Variants in PIP5K1B observed in about 807,000 individuals in gnomAD.
PIP5K1B encodes phosphatidylinositol 4-phosphate 5-kinase type-1 beta.
A neutral mutation model predicts 67.0 loss-of-function variants in PIP5K1B; 42 were observed. That is an observed-to-expected ratio of 0.63 (90% CI 0.49 to 0.81). The LOEUF (loss-of-function observed/expected upper bound fraction) is 0.81. Among genes scored for constraint, PIP5K1B ranks in the 30% least tolerant of loss-of-function variants. The probability of loss-of-function intolerance (pLI) is 0.00; values close to 1 mark genes in which losing one functional copy is unlikely to be tolerated. For missense variants in PIP5K1B, 459 were observed against 646.3 expected (o/e 0.71, Z 3.14); for synonymous variants, 214 against 231.4 (o/e 0.92, Z 0.68).
chr9:68,932,035 G>A (rs1827029082), intron 12 of PIP5K1B, among the ~76,000 whole-genome samples: 1 of 152,176 alleles, frequency 6.6e-6, no homozygotes, highest in Admixed American at 6.5e-5. Flanking sequence ...GCAGAGGTTT[G>A]TTTTCCGGTC....
intron 1 of PIP5K1B, among the ~76,000 whole-genome samples, chr9:68,730,416 A>ATAC (rs1828367289): frequency 6.6e-6 from 1 of 152,224 alleles, no homozygotes; most frequent in Admixed American, 6.5e-5. Flanking sequence ...AATTGAAGAA[A>ATAC]TACTCCTCAA....
intron 14 of PIP5K1B, among the ~76,000 whole-genome samples, chr9:68,962,306 A>G (rs1316709566): frequency 2.0e-5 from 3 of 152,226 alleles, no homozygotes; most frequent in South Asian, 2.1e-4. Flanking sequence ...AACTAAAGGC[A>G]GAAATGTTAT....
chr9:68,877,370 T>G (rs773312300), intron 6 of PIP5K1B, among the ~76,000 whole-genome samples: 1 of 152,242 alleles, frequency 6.6e-6, no homozygotes, highest in Non-Finnish European at 1.5e-5. Context: ...ACAGCCTTTT[T>G]GTAAGAGGTA....
chr9:68,979,108 A>G (rs918105957), intron 14 of PIP5K1B, among the ~76,000 whole-genome samples: 18 of 152,148 alleles, frequency 1.2e-4, no homozygotes, highest in African/African-American at 4.3e-4. Context: ...TCTCTTTTAT[A>G]ATTGAACCAT....
intron 2 of PIP5K1B, among the ~76,000 whole-genome samples, chr9:68,770,947 C>T (rs1308493458): frequency 6.6e-6 from 1 of 152,164 alleles, no homozygotes; most frequent in Non-Finnish European, 1.5e-5. Context: ...TCAGCCCTAT[C>T]TAGAGATAGA....
At chr9:68,996,544 T>A (rs1006879055) in intron 15 of PIP5K1B, among the ~76,000 whole-genome samples, 5 of 152,228 alleles carry the variant, frequency 3.3e-5, no homozygotes, top group Non-Finnish European at 7.3e-5. Context: ...GCAGGCTGTA[T>A]TGATTTAAAA....
At position 68,887,756 on chromosome 9, in the gene PIP5K1B, C is replaced by T. The variant is rs564945412; in HGVS notation, c.319-1225C>T. 6.2e-4 allele frequency among the ~76,000 whole-genome samples: 94 copies of T among 152,202 alleles called. 1 individual carries two copies. Among genetic ancestry groups the T allele is most frequent in the African/African-American group, 2.0e-3 (85 of 41,522 alleles). ...GGTGTTGGCAGAGGCGGGCAGGCAG[C>T]ATCAACAGTCTGGTTAGGAAAGATG... On this transcript the variant is annotated intron_variant, in intron 6 of 15. Coordinates refer to ENST00000265382, the MANE Select transcript of PIP5K1B (RefSeq NM_003558.4).
chr9:68,912,355 C>T (rs1825898153), intron 8 of PIP5K1B, among the ~76,000 whole-genome samples: 3 of 151,932 alleles, frequency 2.0e-5, no homozygotes, highest in Non-Finnish European at 2.9e-5. Flanking sequence ...AAACAGAGAG[C>T]TTTGGGTGAA....
At chr9:68,984,727 T>C (rs1830026958) in intron 14 of PIP5K1B, among the ~76,000 whole-genome samples, 1 of 152,216 alleles carries the variant, frequency 6.6e-6, no homozygotes, top group Admixed American at 6.5e-5. Flanking sequence ...CTGTTCATTG[T>C]TACTCTTCCC....
At chr9:68,908,710 T>C (rs998171626) in intron 8 of PIP5K1B, among the ~76,000 whole-genome samples, 2 of 152,218 alleles carry the variant, frequency 1.3e-5, no homozygotes, top group Non-Finnish European at 2.9e-5. Context: ...ATTCTAGAAC[T>C]GTATTCTGAG....
intron 2 of PIP5K1B, among the ~76,000 whole-genome samples, chr9:68,800,648 C>T (rs1331045375): frequency 6.6e-6 from 1 of 152,186 alleles, no homozygotes; most frequent in African/African-American, 2.4e-5. Context: ...GATTTCCAAC[C>T]TGTTCTCAGC....
intron 6 of PIP5K1B, among the ~76,000 whole-genome samples, chr9:68,882,094 T>C (rs530356139): frequency 6.6e-6 from 1 of 152,216 alleles, no homozygotes; most frequent in South Asian, 2.1e-4. Context: ...CTGCAGGAAA[T>C]AGAAGCAAGA....
chr9:68,719,876 A>G (rs917434836), intron 1 of PIP5K1B, among the ~76,000 whole-genome samples: 3 of 152,246 alleles, frequency 2.0e-5, no homozygotes, highest in African/African-American at 2.4e-5. Flanking sequence ...TCTTTTCCAC[A>G]TATGTCAAAA....
intron 2 of PIP5K1B, among the ~76,000 whole-genome samples, chr9:68,814,681 G>C (rs930410243): frequency 6.6e-6 from 1 of 152,060 alleles, no homozygotes; most frequent in African/African-American, 2.4e-5. Context: ...TTAGCCAGGT[G>C]TGGTGGCGTG....
rs1826807046 is a variant in PIP5K1B, at chr9:68,928,186, C to T, written c.1201+4800C>T. Among the ~76,000 whole-genome samples the T allele has an allele frequency of 2.6e-5, 4 of 152,178 alleles. No homozygotes were observed. The South Asian group carries it at 8.3e-4, about 31-fold the overall frequency. On this transcript the variant is annotated intron_variant, in intron 12 of 15. Transcript: ENST00000265382. ...TGCCTACCCTCATAGCAGTACCATA[C>T]TATCCTCATTACTTCTGGTTTGTAT...
intron 5 of PIP5K1B, among the ~76,000 whole-genome samples, chr9:68,864,506 T>A (rs906010958): frequency 2.0e-5 from 3 of 152,238 alleles, no homozygotes; most frequent in Non-Finnish European, 4.4e-5. Context: ...ATATATGTTG[T>A]CTCTAGCTTT....
At chr9:69,006,401 G>A (rs1381619726) in intron 15 of PIP5K1B, among the ~76,000 whole-genome samples, 1 of 152,048 alleles carries the variant, frequency 6.6e-6, no homozygotes, top group Non-Finnish European at 1.5e-5. Context: ...TGGAGGGGGT[G>A]CAGCTTTACA....
chr9:68,875,045 T>G (rs980385751), intron 5 of PIP5K1B, among the ~76,000 whole-genome samples: 1 of 151,840 alleles, frequency 6.6e-6, no homozygotes, highest in South Asian at 2.1e-4. Context: ...AAAGAGAAAA[T>G]GTTTGGGTAC....
chr9:68,894,538 C>T lies in PIP5K1B; in HGVS notation c.671C>T (p.Thr224Ile). ...SRKEREKSNP[T>I]FKDLDFLQDM... Reference sequence around the variant, plus strand: ...AAAGAGAGAGAGAAATCCAACCCCACATTTAAGGACTTAGATTTCCTGCAA... The same window carrying T: ...AAAGAGAGAGAGAAATCCAACCCCATATTTAAGGACTTAGATTTCCTGCAA... Residue 224 changes from threonine (T) to isoleucine (I), a missense_variant, in exon 8 of 16, where the codon ACA (threonine) becomes ATA (isoleucine). Physicochemically the swap from Thr to Ile is moderately conservative, Grantham distance 89. Transcript: ENST00000265382. The T allele has an allele frequency of 1.2e-6, 2 of 1,614,062 alleles. No individual in the cohort carries two copies. Among genetic ancestry groups the T allele is most frequent in the Non-Finnish European group, 1.7e-6 (2 of 1,179,916 alleles).
Sources: allele counts gnomAD v4.1 joint callset (sites outside exome capture counted in the v4.1 genomes callset), GRCh38; gene constraint gnomAD v4.1.1; transcripts MANE v1.5; gene names NCBI Gene and HGNC (gene_info 2026-07-23, HGNC 2026-07-21).